The following KDM2A variants were observed in gnomAD, a reference collection of about 807,000 sequenced individuals.
KDM2A encodes the protein lysine demethylase 2A.
Under a neutral mutation model 137.3 loss-of-function variants are expected in KDM2A, and 3 were observed. The ratio of observed to expected loss-of-function variants is 0.02; its 90% CI spans 0.01 to 0.06. The LOEUF (loss-of-function observed/expected upper bound fraction) is 0.06. Ranked by LOEUF, KDM2A falls within the 10% of genes least tolerant of loss-of-function variation. The probability of loss-of-function intolerance (pLI) is 1.00; values close to 1 mark genes in which losing one functional copy is unlikely to be tolerated. For missense variants in KDM2A, 738 were observed against 1,510.6 expected, an observed-to-expected ratio of 0.49 and a Z score of 8.48; for synonymous variants, 512 against 541.5, an observed-to-expected ratio of 0.95 and a Z score of 0.76.
Position 67,250,400 on chromosome 11 carries a change from G to A in KDM2A, c.2370G>A (p.Glu790=). The change falls in exon 17 of 21, where the codon GAG becomes GAA. Residue 790 remains glutamate (E), a synonymous_variant. Transcript: ENST00000529006. This position sits in a 1 kb window ranked among gnomAD's most constrained non-coding sequence, Gnocchi z 7.1. The stretch of plus-strand genomic sequence containing the variant: ...GCAAAAAGGAGCTGTCTGAAGTTGA[G>A]AAAGCCAAGATCCGGGGATCGTACC... ...PSGKKELSEV[E]KAKIRGSYLT... is the part of the protein sequence containing the mutation. 6.2e-7 allele frequency: 1 copy of A among 1,614,058 alleles called. No homozygotes were observed. Among genetic ancestry groups the A allele is most frequent in the Non-Finnish European group, 8.5e-7 (1 of 1,179,908 alleles).
In KDM2A at chr11:67,206,877, G is replaced by A. The variant is rs572891355; in HGVS notation, c.308-633G>A. On this transcript the variant is annotated intron_variant, in intron 5 of 20. Coordinates refer to ENST00000529006, the MANE Select transcript of KDM2A (RefSeq NM_012308.3). ...TAACAAGAATCTGATATAGATTTTC[G>A]TGTCCATCCTGGTGTCTTTATCATT... 3.3e-5 allele frequency among the ~76,000 whole-genome samples: 5 copies of A among 152,240 alleles called. No individual in the cohort carries two copies. The East Asian group carries it at 7.7e-4, about 23-fold the overall frequency.
intron 2 of KDM2A, among the ~76,000 whole-genome samples, chr11:67,167,728 C>G (rs1856779022): frequency 6.6e-6 from 1 of 151,990 alleles, no homozygotes; most frequent in Admixed American, 6.6e-5. Context: ...TTATTGTGAT[C>G]TAACATTTTT....
chr11:67,176,748 G>C (rs1856979411), intron 2 of KDM2A, among the ~76,000 whole-genome samples: 1 of 152,030 alleles, frequency 6.6e-6, no homozygotes, highest in South Asian at 2.1e-4. Flanking sequence ...AAATATTTGT[G>C]TATCTAAACA....
rs1337680302 is a variant in KDM2A at position 67,252,699 on chromosome 11, G to A, written c.2774G>A (p.Cys925Tyr). The change falls in exon 18 of 21, where the codon TGC becomes TAC. Residue 925 changes from cysteine to tyrosine, a missense_variant. Transcript: ENST00000529006. Reference sequence around the variant, plus strand: ...TCTCTTCCCTTCTATCACAGGTGCTGCGACAAGAGACTTTGGACAAAAATT... The same window carrying A: ...TCTCTTCCCTTCTATCACAGGTGCTACGACAAGAGACTTTGGACAAAAATT... ...RVCKTWYKWC[C>Y]DKRLWTKIDL... 1 of 1,613,964 alleles carries A rather than the reference G, an allele frequency of 6.2e-7. No individual in the cohort carries two copies. Among genetic ancestry groups the A allele is most frequent in the Non-Finnish European group, 8.5e-7 (1 of 1,179,884 alleles).
At chr11:67,155,800 T>C (rs1590730723) in intron 2 of KDM2A, among the ~76,000 whole-genome samples, 1 of 149,374 alleles carries the variant, frequency 6.7e-6, no homozygotes, top group Non-Finnish European at 1.5e-5. Flanking sequence ...ATTTTTAGTA[T>C]AGACGGGGTT....
At chr11:67,152,201 T>C (rs1378044125) in intron 2 of KDM2A, among the ~76,000 whole-genome samples, 1 of 151,966 alleles carries the variant, frequency 6.6e-6, no homozygotes, top group Non-Finnish European at 1.5e-5. Flanking sequence ...TGCTTCCAGC[T>C]ACTTGGGAGG....
intron 2 of KDM2A, among the ~76,000 whole-genome samples, chr11:67,155,567 T>C (rs751299318): frequency 1.3e-5 from 2 of 152,030 alleles, no homozygotes; most frequent in Non-Finnish European, 2.9e-5. Flanking sequence ...GCCTCTCAGG[T>C]TGCTGGGATT....
intron 2 of KDM2A, among the ~76,000 whole-genome samples, chr11:67,131,062 G>A (rs1417523381): frequency 6.6e-6 from 1 of 152,052 alleles, no homozygotes; most frequent in African/African-American, 2.4e-5. Context: ...AGTGGCTCAC[G>A]CCTGTAATCC....
intron 6 of KDM2A, among the ~76,000 whole-genome samples, chr11:67,213,628 G>C (rs571593466): frequency 1.6e-3 from 238 of 151,742 alleles, no homozygotes; most frequent in African/African-American, 4.8e-3. Context: ...GTGCGGTGGC[G>C]GGTGCCTGTA....
rs184787646 is a variant in KDM2A, at chr11:67,257,961, A to G, written c.*2906A>G. ...CGTGGGAATGGGTGATATTTGTGTAATAAAATTTTTAAAAGACAAAAAAAG... is the reference window on the plus strand; with the variant it reads ...CGTGGGAATGGGTGATATTTGTGTAGTAAAATTTTTAAAAGACAAAAAAAG... On this transcript the variant is annotated 3_prime_UTR_variant, in exon 21 of 21. Coordinates refer to ENST00000529006, the MANE Select transcript of KDM2A (RefSeq NM_012308.3). 5.6e-4 allele frequency: 85 copies of G among 152,348 alleles called. No homozygotes were observed. Among genetic ancestry groups the G allele is most frequent in the African/African-American group, 2.0e-3 (82 of 41,580 alleles). The allele number at this position is 152,348 out of a possible 1,614,324, so 9.4% of individuals were successfully genotyped here. A position where few individuals can be genotyped will look rare whatever the true frequency, so the allele number is the denominator to read the frequency against.
intron 2 of KDM2A, among the ~76,000 whole-genome samples, chr11:67,156,275 A>G (rs1590731362): frequency 6.7e-6 from 1 of 150,026 alleles, no homozygotes; most frequent in Admixed American, 6.7e-5. Flanking sequence ...CACAAGGAGG[A>G]TAATATTTTA....
chr11:67,190,063 CTTTA>C (rs1857312937), intron 5 of KDM2A, among the ~76,000 whole-genome samples: 1 of 152,098 alleles, frequency 6.6e-6, no homozygotes, highest in South Asian at 2.1e-4. Context: ...ATTGACAAAG[CTTTA>C]TTTAGCCAGA....
At chr11:67,243,932 A>G (rs1020796952) in intron 13 of KDM2A, 3 of 152,236 alleles carry the variant, frequency 2.0e-5, no homozygotes, top group African/African-American at 4.8e-5. Context: ...ACTGTCCTCT[A>G]TCAAGGTTAT....
chr11:67,245,143 CTTAAAGCAACCTGA>C lies in KDM2A; in HGVS notation c.1564-44_1564-31del, dbSNP rs757881492. 10 of 1,597,660 alleles carry C rather than the reference CTTAAAGCAACCTGA, an allele frequency of 6.3e-6. No homozygotes were observed. In the South Asian group the frequency reaches 1.1e-4, roughly 18 times the overall value. The stretch of plus-strand genomic sequence containing the variant: ...CATGTAATCTTCTACCCTATCCAGT[CTTAAAGCAACCTGA>C]TATATTTGACCTCACTGCTTTCTCT... On this transcript the variant is annotated intron_variant, in intron 13 of 20. Transcript: ENST00000529006. This position sits in a 1 kb window ranked among gnomAD's most constrained non-coding sequence, Gnocchi z 4.1.
intron 2 of KDM2A, among the ~76,000 whole-genome samples, chr11:67,176,145 A>C (rs991501067): frequency 6.6e-6 from 1 of 152,172 alleles, no homozygotes; most frequent in Non-Finnish European, 1.5e-5. Context: ...AAGGCTTTTT[A>C]CTAAATATGG....
chr11:67,219,160 A>G (rs1359416001), intron 9 of KDM2A, 128 bp from the exon 10 acceptor site: 4 of 438,680 alleles, frequency 9.1e-6, no homozygotes, highest in Non-Finnish European at 1.6e-5. Flanking sequence ...AGATTAAGTA[A>G]CTTGACAAAC....
At chr11:67,150,487 T>C (rs1856359714) in intron 2 of KDM2A, among the ~76,000 whole-genome samples, 1 of 152,242 alleles carries the variant, frequency 6.6e-6, no homozygotes, top group East Asian at 1.9e-4. Context: ...TTTGTTTGTT[T>C]ACTATTAGTA....
chr11:67,238,279 C>A (rs1420317768), intron 12 of KDM2A, among the ~76,000 whole-genome samples: 1 of 151,938 alleles, frequency 6.6e-6, no homozygotes, highest in Non-Finnish European at 1.5e-5. Flanking sequence ...TTTTCCTTTC[C>A]TGGTGGCCTC....
intron 5 of KDM2A, among the ~76,000 whole-genome samples, chr11:67,193,814 C>A (rs1461877563): frequency 6.6e-6 from 1 of 152,116 alleles, no homozygotes; most frequent in Non-Finnish European, 1.5e-5. Flanking sequence ...TAAGCTGAGA[C>A]CATGTCGTTG....
Sources: gnomAD v4.1 joint callset for allele counts (sites outside exome capture counted in the v4.1 genomes callset) on GRCh38, gnomAD v4.1.1 for gene constraint, Gnocchi (gnomAD v3.1) non-coding constraint, MANE v1.5 for transcripts, NCBI Gene and HGNC (gene_info 2026-07-23, HGNC 2026-07-21) for gene names.